The following VKORC1L1 variants were observed in gnomAD, a reference collection of about 807,000 sequenced individuals.
VKORC1L1 encodes vitamin K epoxide reductase complex subunit 1L1, also known as vitamin K epoxide reductase complex subunit 1-like protein 1.
In VKORC1L1, 2 loss-of-function variants were observed where a neutral mutation model predicts 18.9. The observed-to-expected ratio is 0.11, with a 90% confidence interval of 0.04 to 0.33. The LOEUF (loss-of-function observed/expected upper bound fraction) is 0.33, where lower values mean the gene tolerates loss of function less well. Among genes scored for constraint, VKORC1L1 ranks in the 10% least tolerant of loss-of-function variants. VKORC1L1 has a pLI of 1.00. For synonymous variants in VKORC1L1, 96 were observed against 100.0 expected, an observed-to-expected ratio of 0.96 and a Z score of 0.24; for missense variants, 123 against 224.1, an observed-to-expected ratio of 0.55 and a Z score of 2.88.
At chr7:65,908,300 GCTA>G (rs2115561648) in intron 1 of VKORC1L1, among the ~76,000 whole-genome samples, 1 of 152,248 alleles carries the variant, frequency 6.6e-6, no homozygotes, top group East Asian at 1.9e-4. Context: ...TGTAATCCCA[GCTA>G]CTTGGGAGCT....
At chr7:65,867,086 T>C in the VKORC1L1 span, among the ~76,000 whole-genome samples, 1 of 151,742 alleles carries the variant, frequency 6.6e-6, no homozygotes, top group Non-Finnish European at 1.5e-5. Flanking sequence ...ACTCAGGAGG[T>C]TGAGGCAGGA....
At chr7:65,923,342 C>G (rs939255362) in intron 1 of VKORC1L1, among the ~76,000 whole-genome samples, 1 of 151,740 alleles carries the variant, frequency 6.6e-6, no homozygotes, top group African/African-American at 2.4e-5. Context: ...GAGGTCGAGG[C>G]TGCAGTGAGT....
In VKORC1L1 at chr7:65,877,667, A is replaced by G. The variant is rs191599426; in HGVS notation, c.194+4102A>G. 3.6e-3 allele frequency among the ~76,000 whole-genome samples: 551 copies of G among 152,292 alleles called. 5 individuals carry two copies. Among genetic ancestry groups the G allele is most frequent in the Non-Finnish European group, 4.1e-3 (276 of 68,020 alleles). On this transcript the variant is annotated intron_variant, in intron 1 of 2. Coordinates refer to ENST00000360768, the MANE Select transcript of VKORC1L1 (RefSeq NM_173517.6). Reference sequence around the variant, plus strand: ...CCAGCTGTAATATGCAGAATATTCTATGTAGGTATTTTCTATATATAAGAC... The same window carrying G: ...CCAGCTGTAATATGCAGAATATTCTGTGTAGGTATTTTCTATATATAAGAC...
intron 1 of VKORC1L1, among the ~76,000 whole-genome samples, chr7:65,939,922 C>A (rs1021047086): frequency 6.6e-5 from 10 of 152,128 alleles, no homozygotes; most frequent in African/African-American, 2.4e-4. Context: ...TTAATGTAGA[C>A]TATTTTTGCA....
Position 65,915,712 on chromosome 7 carries a change from G to T in VKORC1L1, c.195-32959G>T, listed in dbSNP as rs914851970. Reference sequence around the variant, plus strand: ...TTAGATAGTAGAGGCATGATTGGGGGTGAGGCTATTTATATTCAATGCCTA... The same window carrying T: ...TTAGATAGTAGAGGCATGATTGGGGTTGAGGCTATTTATATTCAATGCCTA... On this transcript the variant is annotated intron_variant, in intron 1 of 2. Transcript: ENST00000360768. Among the ~76,000 whole-genome samples, 3 of 151,838 alleles carry T rather than the reference G, an allele frequency of 2.0e-5. No individual in the cohort carries two copies. The South Asian group carries it at 6.2e-4, about 32-fold the overall frequency.
At chr7:65,942,629 G>A (rs1236597163) in intron 1 of VKORC1L1, among the ~76,000 whole-genome samples, 2 of 151,608 alleles carry the variant, frequency 1.3e-5, no homozygotes, top group Non-Finnish European at 2.9e-5. Context: ...GGGTTCAAGC[G>A]ATTTTTCTGC....
At position 65,957,044 on chromosome 7, in the gene VKORC1L1, T is replaced by C. The variant is rs371957158; in HGVS notation, c.*2744T>C. On this transcript the variant is annotated 3_prime_UTR_variant, in exon 3 of 3. Transcript: ENST00000360768. ...TTTGTTTTGCATTACAGCTAGTTGCTCTCACTAAAGGTAAATTTCCGGTGA... is the reference window on the plus strand; with the variant it reads ...TTTGTTTTGCATTACAGCTAGTTGCCCTCACTAAAGGTAAATTTCCGGTGA... 2.0e-5 allele frequency: 3 copies of C among 152,354 alleles called. No individual in the cohort carries two copies. In the East Asian group the frequency reaches 5.8e-4, roughly 29 times the overall value. 9.4% of individuals were successfully genotyped at this position (152,354 alleles called of 1,614,324 possible).
At chr7:65,879,321 G>A (rs1788883996) in intron 1 of VKORC1L1, among the ~76,000 whole-genome samples, 3 of 151,978 alleles carry the variant, frequency 2.0e-5, no homozygotes, top group Admixed American at 2.0e-4. Context: ...TTGTTTCTTG[G>A]TATGGAAATT....
intron 2 of VKORC1L1, among the ~76,000 whole-genome samples, chr7:65,948,982 G>A (rs1790166715): frequency 6.6e-6 from 1 of 152,070 alleles, no homozygotes; most frequent in Non-Finnish European, 1.5e-5. Context: ...TTTAATCATG[G>A]AGAGCAGTAT....
At position 65,908,344 on chromosome 7, in the gene VKORC1L1, C is replaced by T. The variant is rs1335721081; in HGVS notation, c.194+34779C>T. On this transcript the variant is annotated intron_variant, in intron 1 of 2. Coordinates refer to ENST00000360768, the MANE Select transcript of VKORC1L1 (RefSeq NM_173517.6). ...AGGAGAATCGCTTGAACCCGGGAGG[C>T]AGAGGTTGCAGTGAGCCGAGATCGC... 3.3e-5 allele frequency among the ~76,000 whole-genome samples: 5 copies of T among 152,002 alleles called. No homozygotes were observed. In the South Asian group the frequency reaches 1.0e-3, roughly 32 times the overall value.
chr7:65,931,106 A>G (rs1291369908), intron 1 of VKORC1L1, among the ~76,000 whole-genome samples: 3 of 151,850 alleles, frequency 2.0e-5, no homozygotes, highest in Non-Finnish European at 4.4e-5. Flanking sequence ...CTTTCTGTAT[A>G]TTGCTGGATT....
chr7:65,866,418 G>A, the VKORC1L1 span, among the ~76,000 whole-genome samples: 1 of 152,144 alleles, frequency 6.6e-6, no homozygotes, highest in African/African-American at 2.4e-5. Flanking sequence ...GGAGATCCAG[G>A]CACGGCTGGC....
upstream of VKORC1L1, among the ~76,000 whole-genome samples, chr7:65,868,189 C>T (rs542106709): frequency 1.6e-4 from 25 of 152,242 alleles, no homozygotes; most frequent in Admixed American, 3.3e-4. Flanking sequence ...GGTGAGATGG[C>T]TCGCACCTGT....
chr7:65,953,727 G>A (rs147894556), intron 2 of VKORC1L1, among the ~76,000 whole-genome samples: 20 of 152,034 alleles, frequency 1.3e-4, no homozygotes, highest in Non-Finnish European at 2.8e-4. Flanking sequence ...TCAGCCAGGC[G>A]TGGTGGCACG....
intron 1 of VKORC1L1, among the ~76,000 whole-genome samples, chr7:65,913,052 T>G (rs1203318950): frequency 6.6e-6 from 1 of 152,152 alleles, no homozygotes; most frequent in Non-Finnish European, 1.5e-5. Context: ...TGTGGGTATC[T>G]CAGAGAGCTG....
At chr7:65,930,351 T>C (rs959873508) in intron 1 of VKORC1L1, among the ~76,000 whole-genome samples, 26 of 152,356 alleles carry the variant, frequency 1.7e-4, no homozygotes, top group African/African-American at 5.5e-4. Flanking sequence ...AGGTGTGCCC[T>C]GACTGGAAGT....
chr7:65,909,756 C>A (rs1003238934), intron 1 of VKORC1L1, among the ~76,000 whole-genome samples: 1 of 147,092 alleles, frequency 6.8e-6, no homozygotes, highest in African/African-American at 2.6e-5. Context: ...CTTGCTCTGT[C>A]GCCCAGGCTG....
At chr7:65,930,482 G>A (rs1438451659) in intron 1 of VKORC1L1, among the ~76,000 whole-genome samples, 2 of 152,206 alleles carry the variant, frequency 1.3e-5, no homozygotes, top group Admixed American at 6.5e-5. Flanking sequence ...AAAAATTAGG[G>A]AAGCATGCAG....
intron 1 of VKORC1L1, among the ~76,000 whole-genome samples, chr7:65,899,836 C>T (rs567255302): frequency 2.6e-5 from 4 of 152,100 alleles, no homozygotes; most frequent in African/African-American, 9.6e-5. Context: ...CCCGTCTCTA[C>T]TAAAAATACA....
Sources: gnomAD v4.1 joint callset for allele counts (sites outside exome capture counted in the v4.1 genomes callset) on GRCh38, gnomAD v4.1.1 for gene constraint, MANE v1.5 for transcripts, NCBI Gene and HGNC (gene_info 2026-07-23, HGNC 2026-07-21) for gene names.